Variants in TRHDE observed in about 807,000 individuals in gnomAD.
TRHDE encodes thyrotropin-releasing hormone-degrading ectoenzyme.
TRHDE carries 72 observed loss-of-function variants against 125.7 expected under a neutral mutation model. The ratio of observed to expected loss-of-function variants is 0.57; its 90% CI spans 0.47 to 0.70. TRHDE has a LOEUF of 0.70. Among genes scored for constraint, TRHDE ranks in the 30% least tolerant of loss-of-function variants. The pLI is 0.00. For missense variants in TRHDE, 1,110 were observed against 1,327.1 expected, an observed-to-expected ratio of 0.84 and a Z score of 2.54; for synonymous variants, 509 against 509.1, an observed-to-expected ratio of 1.00 and a Z score of 0.00.
chr12:72,603,504 T>TC (rs1555201302), intron 12 of TRHDE, among the ~76,000 whole-genome samples: 1 of 152,042 alleles, frequency 6.6e-6, no homozygotes, highest in Non-Finnish European at 1.5e-5. Flanking sequence ...GGCGGGCAGA[T>TC]CACGAGGTCA....
chr12:72,513,366 A>G (rs368546051), intron 6 of TRHDE, among the ~76,000 whole-genome samples: 6 of 152,186 alleles, frequency 3.9e-5, no homozygotes, highest in East Asian at 1.9e-4. Flanking sequence ...CTTTGGCCCA[A>G]GTATTATTTT....
At chr12:72,270,459 G>A (rs922167424), upstream of TRHDE, among the ~76,000 whole-genome samples, 2 of 151,394 alleles carry the variant, frequency 1.3e-5, no homozygotes, top group African/African-American at 4.8e-5. Context: ...TGTGTAATTG[G>A]TCTCTTCTCT....
At position 72,137,228 on chromosome 12, in the gene TRHDE, A is replaced by G. The variant is rs1876006177; in HGVS notation, n.279+31476A>G. 2.0e-5 allele frequency among the ~76,000 whole-genome samples: 3 copies of G among 152,318 alleles called. 1 individual carries two copies. In the South Asian group the frequency reaches 6.2e-4, roughly 32 times the overall value. ...CATGTGTGAGACAGATTCTCATTCT[A>G]ATTATGCTCCTTGTGGGCAACTGCA... On this transcript the variant is annotated intron_variant and non_coding_transcript_variant, in intron 2 of 4. Transcript: ENST00000548156.
intron 15 of TRHDE, among the ~76,000 whole-genome samples, chr12:72,638,978 G>A (rs1483114051): frequency 1.3e-5 from 2 of 151,422 alleles, no homozygotes; most frequent in East Asian, 1.9e-4. Context: ...TGACAATTAT[G>A]TGTCTTGGAG....
intron 3 of TRHDE, among the ~76,000 whole-genome samples, chr12:72,415,373 T>A (rs79094842): frequency 6.6e-6 from 1 of 152,150 alleles, no homozygotes; most frequent in Non-Finnish European, 1.5e-5. Context: ...TCATTTTTTT[T>A]GTTAGGAACA....
chr12:72,141,871 G>A (rs1876118891), intron 2 of TRHDE, among the ~76,000 whole-genome samples: 1 of 152,176 alleles, frequency 6.6e-6, no homozygotes, highest in Admixed American at 6.5e-5. Flanking sequence ...AGAAATGACA[G>A]GTGATGGTTT....
upstream of TRHDE, chr12:72,272,095 C>T (rs1428781466): frequency 2.2e-6 from 1 of 457,470 alleles, no homozygotes; most frequent in Admixed American, 2.3e-5. This position sits in a 1 kb window ranked among gnomAD's most constrained non-coding sequence, Gnocchi z 6.7. Context: ...GGCTCGGGTG[C>T]CTCCCGTGCT....
intron 2 of TRHDE, among the ~76,000 whole-genome samples, chr12:72,149,274 A>G (rs1876301876): frequency 6.6e-6 from 1 of 152,198 alleles, no homozygotes; most frequent in African/African-American, 2.4e-5. Flanking sequence ...GAAAACTCAG[A>G]ATTGGTTATA....
In TRHDE at chr12:72,183,718, T is replaced by G. The variant is rs373343295; in HGVS notation, n.279+77966T>G. Among the ~76,000 whole-genome samples the G allele has an allele frequency of 2.0e-4, 30 of 152,224 alleles. No homozygotes were observed. In the South Asian group the frequency reaches 5.8e-3, roughly 30 times the overall value. On this transcript the variant is annotated intron_variant and non_coding_transcript_variant, in intron 2 of 4. Coordinates refer to the TRHDE transcript ENST00000548156. ...GTCTAGTCTAAGTTTTAGTTTAGAG[T>G]CTAGTCTAGACTAAAGCATACAGAA...
chr12:72,168,674 G>C (rs1169153764), intron 2 of TRHDE, among the ~76,000 whole-genome samples: 1 of 152,100 alleles, frequency 6.6e-6, no homozygotes, highest in Admixed American at 6.5e-5. Context: ...AATTGAACTT[G>C]TCCAACATCT....
intron 2 of TRHDE, among the ~76,000 whole-genome samples, chr12:72,328,860 A>T (rs1201707696): frequency 6.6e-6 from 1 of 152,180 alleles, no homozygotes; most frequent in African/African-American, 2.4e-5. Context: ...TGTTTATTTT[A>T]GCTTATACCA....
intron 12 of TRHDE, among the ~76,000 whole-genome samples, chr12:72,592,573 T>A (rs1592558978): frequency 1.3e-5 from 2 of 152,066 alleles, no homozygotes; most frequent in East Asian, 3.9e-4. Context: ...TTTCTCTCTC[T>A]CTCTCTATTT....
chr12:72,605,600 C>G (rs191037735), intron 12 of TRHDE, among the ~76,000 whole-genome samples: 8 of 152,220 alleles, frequency 5.3e-5, no homozygotes, highest in African/African-American at 1.9e-4. Flanking sequence ...TCTTTCCACA[C>G]TTCATCTGCA....
chr12:72,618,908 A>T lies in TRHDE; in HGVS notation c.2339A>T (p.Gln780Leu), dbSNP rs1385784790. 1.3e-6 allele frequency: 2 copies of T among 1,536,592 alleles called. No individual in the cohort carries two copies. The highest frequency in any genetic ancestry group is 1.8e-4 in the Middle Eastern group (1 of 5,650). Reference sequence around the variant, plus strand: ...AACTGTAGGGCTGGCTATTTGCCTCAGAATATTCCTCTGGAGATTATCAGA... The same window carrying T: ...AACTGTAGGGCTGGCTATTTGCCTCTGAATATTCCTCTGGAGATTATCAGA... ...FSLARAGYLP[Q>L]NIPLEIIRYL... The change falls in exon 13 of 19, where the codon CAG (glutamine) becomes CTG (leucine). Residue 780 changes from glutamine (Q) to leucine (L), a missense_variant. Transcript: ENST00000261180.
At chr12:72,516,648 C>T (rs1213516154) in intron 6 of TRHDE, among the ~76,000 whole-genome samples, 1 of 151,814 alleles carries the variant, frequency 6.6e-6, no homozygotes, top group East Asian at 1.9e-4. Context: ...CCTTCTCCTG[C>T]CTAATTGCCC....
At chr12:72,211,752 G>A (rs7312015) in intron 2 of TRHDE, among the ~76,000 whole-genome samples, 5,878 of 152,150 alleles carry the variant, frequency 0.039, 251 homozygotes, top group African/African-American at 0.099. Flanking sequence ...AGAGTATTTG[G>A]AGAAAGTATT....
intron 12 of TRHDE, among the ~76,000 whole-genome samples, chr12:72,591,537 TATG>T (rs1431376967): frequency 6.6e-6 from 1 of 151,514 alleles, no homozygotes; most frequent in Non-Finnish European, 1.5e-5. Context: ...TTTATATGCT[TATG>T]AAGAAATTAA....
chr12:72,334,618 C>G (rs1433929657), intron 2 of TRHDE, among the ~76,000 whole-genome samples: 1 of 152,168 alleles, frequency 6.6e-6, no homozygotes, highest in African/African-American at 2.4e-5. Context: ...GGCAAATGCC[C>G]TTGTAGCTCT....
intron 6 of TRHDE, among the ~76,000 whole-genome samples, chr12:72,519,266 G>A (rs527888443): frequency 2.3e-4 from 35 of 152,214 alleles, no homozygotes; most frequent in Non-Finnish European, 2.9e-4. Context: ...CATTCTCCCC[G>A]TCACTTTCAG....
Sources: allele counts gnomAD v4.1 joint callset (sites outside exome capture counted in the v4.1 genomes callset), GRCh38; gene constraint gnomAD v4.1.1; non-coding constraint Gnocchi (gnomAD v3.1); transcripts MANE v1.5; gene names NCBI Gene and HGNC (gene_info 2026-07-23, HGNC 2026-07-21).